Variants in MAN1A1 observed in about 807,000 individuals in gnomAD.
MAN1A1 encodes mannosyl-oligosaccharide 1,2-alpha-mannosidase IA.
In MAN1A1, 29 loss-of-function variants were observed where a neutral mutation model predicts 70.8. That is an observed-to-expected ratio of 0.41 (90% confidence interval 0.31 to 0.56). The LOEUF (loss-of-function observed/expected upper bound fraction) is 0.56, where lower values mean the gene tolerates loss of function less well. Among genes scored for constraint, MAN1A1 ranks in the 20% least tolerant of loss-of-function variants. The pLI is 0.29. For synonymous variants in MAN1A1, 349 were observed against 330.1 expected (o/e 1.06, Z -0.62); for missense variants, 747 against 841.3 (o/e 0.89, Z 1.39).
intron 6 of MAN1A1, among the ~76,000 whole-genome samples, chr6:119,234,301 T>C (rs1271993514): frequency 6.6e-6 from 1 of 152,244 alleles, no homozygotes; most frequent in Non-Finnish European, 1.5e-5. Flanking sequence ...AAATTGAGTT[T>C]TTCTACCTTA....
At chr6:119,332,790 A>AC (rs1333177456) in intron 2 of MAN1A1, among the ~76,000 whole-genome samples, 1 of 151,320 alleles carries the variant, frequency 6.6e-6, no homozygotes, top group South Asian at 2.1e-4. Flanking sequence ...CATCTCAAGA[A>AC]AAAAAAAAAA....
At chr6:119,250,666 G>GTT (rs1229995264) in intron 5 of MAN1A1, among the ~76,000 whole-genome samples, 2 of 151,436 alleles carry the variant, frequency 1.3e-5, no homozygotes, top group African/African-American at 4.9e-5. Context: ...GTGTGTGTGT[G>GTT]TGTGTGTGTG....
chr6:119,276,684 G>A, intron 5 of MAN1A1, among the ~76,000 whole-genome samples: 1 of 152,122 alleles, frequency 6.6e-6, no homozygotes, highest in East Asian at 1.9e-4. Flanking sequence ...AGAAAACTAA[G>A]GAAGTCACTA....
At chr6:119,197,926 G>T (rs932195622) in intron 8 of MAN1A1, among the ~76,000 whole-genome samples, 2 of 152,096 alleles carry the variant, frequency 1.3e-5, no homozygotes, top group Non-Finnish European at 2.9e-5. Flanking sequence ...AGATGTTCCA[G>T]TACAACTGGC....
intron 2 of MAN1A1, 118 bp from the exon 3 acceptor site, chr6:119,307,110 C>T (rs1772554426): frequency 1.5e-6 from 1 of 657,428 alleles, no homozygotes; most frequent in Non-Finnish European, 2.6e-6. Context: ...AAAAGGATGA[C>T]TAAGTAAAAG....
At chr6:119,214,126 G>C (rs890860958) in intron 6 of MAN1A1, among the ~76,000 whole-genome samples, 11 of 152,004 alleles carry the variant, frequency 7.2e-5, no homozygotes, top group African/African-American at 2.7e-4. Flanking sequence ...CACAGCACCT[G>C]GCTTAATTTT....
At chr6:119,324,534 A>G (rs1266229362) in intron 2 of MAN1A1, among the ~76,000 whole-genome samples, 1 of 152,200 alleles carries the variant, frequency 6.6e-6, no homozygotes, top group Non-Finnish European at 1.5e-5. Context: ...ACCTCACTGG[A>G]AAATTAGAAA....
chr6:119,210,925 A>T, intron 6 of MAN1A1: 2 of 456,308 alleles, frequency 4.4e-6, no homozygotes, highest in South Asian at 3.1e-5. Context: ...GATATTGCAC[A>T]TCCACCTGTT....
At chr6:119,322,922 G>A (rs1471246586) in intron 2 of MAN1A1, among the ~76,000 whole-genome samples, 2 of 152,204 alleles carry the variant, frequency 1.3e-5, no homozygotes, top group Non-Finnish European at 2.9e-5. Context: ...CCACAGCAAG[G>A]TGGTGGCTGA....
At position 119,348,693 on chromosome 6, in the gene MAN1A1, G is replaced by A. The variant is rs2114520070; in HGVS notation, c.373C>T (p.Arg125Cys). 2 of 1,610,180 alleles carry A rather than the reference G, an allele frequency of 1.2e-6. No homozygotes were observed. Among genetic ancestry groups the A allele is most frequent in the Non-Finnish European group, 8.5e-7 (1 of 1,178,542 alleles). ...CTGAGAGCCCGCTCGTGGTTTTCGC[G>A]GATCCTGGCCAAGTTGTCCTCCAGG... ...AALEDNLARI[R>C]ENHERALREA... The change falls in exon 2 of 13, where the codon CGC becomes TGC. Residue 125 changes from arginine to cysteine, a missense_variant. This residue lies in a region of MAN1A1 where 328 missense variants were observed against 293.1 expected (regional missense o/e 1.12). Coordinates refer to ENST00000368468, the MANE Select transcript of MAN1A1 (RefSeq NM_005907.4).
intron 2 of MAN1A1, among the ~76,000 whole-genome samples, chr6:119,314,845 G>T (rs907654946): frequency 6.6e-6 from 1 of 151,936 alleles, no homozygotes; most frequent in Non-Finnish European, 1.5e-5. Flanking sequence ...CCTCCACTTC[G>T]GCTCTCAGCT....
chr6:119,305,590 C>T (rs1772504271), intron 3 of MAN1A1, among the ~76,000 whole-genome samples: 2 of 152,060 alleles, frequency 1.3e-5, no homozygotes, highest in South Asian at 4.1e-4. Context: ...TCTGATAGAC[C>T]AACAGTCTCT....
intron 3 of MAN1A1, among the ~76,000 whole-genome samples, chr6:119,306,663 C>G (rs551424587): frequency 6.6e-6 from 1 of 152,100 alleles, no homozygotes; most frequent in South Asian, 2.1e-4. Context: ...ATGCCCCAGG[C>G]GTCAGTACTC....
intron 11 of MAN1A1, among the ~76,000 whole-genome samples, chr6:119,184,671 T>G (rs1582675258): frequency 1.3e-5 from 2 of 151,640 alleles, no homozygotes; most frequent in East Asian, 3.9e-4. Context: ...AGAAAATGTC[T>G]GTGCAAAAAA....
intron 5 of MAN1A1, among the ~76,000 whole-genome samples, chr6:119,262,749 G>A (rs182716627): frequency 2.2e-4 from 33 of 152,228 alleles, no homozygotes. Context: ...CAGTAGACTA[G>A]ATAAAGAAAA....
chr6:119,248,538 C>G (rs191368091), intron 5 of MAN1A1, among the ~76,000 whole-genome samples, 184 bp from the exon 6 acceptor site: 1 of 152,198 alleles, frequency 6.6e-6, no homozygotes, highest in African/African-American at 2.4e-5. Context: ...CAGGGGCCAT[C>G]ATACTGGGGG....
chr6:119,226,802 C>T (rs1268621336), intron 6 of MAN1A1, among the ~76,000 whole-genome samples: 3 of 151,966 alleles, frequency 2.0e-5, no homozygotes, highest in African/African-American at 7.3e-5. Context: ...TCCTGAGTAG[C>T]TGGGATTACA....
In MAN1A1 at chr6:119,234,547, G is replaced by A. The variant is rs1049964942; in HGVS notation, c.992+13713C>T. ...TTCCACCTCAGCCTCCCGAGTAGCT[G>A]AGACTACAGGCATGTGCCACCATGC... On this transcript the variant is annotated intron_variant, in intron 6 of 12. Coordinates refer to ENST00000368468, the MANE Select transcript of MAN1A1 (RefSeq NM_005907.4). 9.2e-5 allele frequency among the ~76,000 whole-genome samples: 14 copies of A among 152,154 alleles called. No homozygotes were observed. The East Asian group carries it at 2.5e-3, about 27-fold the overall frequency.
intron 11 of MAN1A1, among the ~76,000 whole-genome samples, chr6:119,183,913 C>G (rs1384327070): frequency 6.6e-6 from 1 of 151,800 alleles, no homozygotes; most frequent in Non-Finnish European, 1.5e-5. Flanking sequence ...GAGAATAAAA[C>G]AAAATGAAGA....
Sources: gnomAD v4.1 joint callset for allele counts (sites outside exome capture counted in the v4.1 genomes callset) on GRCh38, gnomAD v4.1.1 for gene constraint, gnomAD v4.1.1 regional missense constraint, MANE v1.5 for transcripts, NCBI Gene and HGNC (gene_info 2026-07-23, HGNC 2026-07-21) for gene names.